The following MEF2C variants were observed in gnomAD, a reference collection of about 807,000 sequenced individuals.
MEF2C encodes the protein myocyte enhancer factor 2C.
Under a neutral mutation model 50.5 loss-of-function variants are expected in MEF2C, and 6 were observed. The ratio of observed to expected loss-of-function variants is 0.12; its 90% CI spans 0.07 to 0.23. MEF2C has a LOEUF of 0.23. Ranked by LOEUF, MEF2C falls within the 10% of genes least tolerant of loss-of-function variation. The pLI is 1.00. For missense variants in MEF2C, 276 were observed against 605.0 expected (o/e 0.46, Z 5.70); for synonymous variants, 183 against 228.0 (o/e 0.80, Z 1.78).
At chr5:88,817,113 AT>A (rs1320249117) in intron 2 of MEF2C, among the ~76,000 whole-genome samples, 3 of 152,074 alleles carry the variant, frequency 2.0e-5, no homozygotes, top group African/African-American at 2.4e-5. Flanking sequence ...CCGAAAAATT[AT>A]TTTTTTGAAG....
intron 1 of MEF2C, among the ~76,000 whole-genome samples, chr5:88,899,619 A>G (rs1054348482): frequency 7.9e-5 from 12 of 152,136 alleles, no homozygotes; most frequent in Admixed American, 1.3e-4. Flanking sequence ...GGAAGCCTCT[A>G]TGATCCTTCA....
chr5:88,738,411 A>AATT (rs1279964774), intron 6 of MEF2C: 2 of 971,750 alleles, frequency 2.1e-6, no homozygotes, highest in African/African-American at 3.5e-5. Context: ...CATGGATATA[A>AATT]AGCACTTTTA....
At position 88,718,434 on chromosome 5, in the gene MEF2C, A is replaced by G. The variant is rs1357003670; in HGVS notation, c.*4170T>C. 1 of 152,218 alleles carries G rather than the reference A, an allele frequency of 6.6e-6. No individual in the cohort carries two copies. Among genetic ancestry groups the G allele is most frequent in the Non-Finnish European group, 1.5e-5 (1 of 68,048 alleles). The allele number at this position is 152,218 out of a possible 1,614,324, so 9.4% of individuals were successfully genotyped here. A position where few individuals can be genotyped will look rare whatever the true frequency, so the allele number is the denominator to read the frequency against. ...ATCTAGTGGCGACAAAGTCCAGCTT[A>G]TGCCGCTGTGAGCCTCTATTTGAAT... is the stretch of plus-strand genomic sequence containing the variant. On this transcript the variant is annotated 3_prime_UTR_variant, in exon 11 of 11. Transcript: ENST00000504921.
intron 2 of MEF2C, among the ~76,000 whole-genome samples, chr5:88,808,344 T>C (rs1020223428): frequency 5.9e-5 from 9 of 152,144 alleles, no homozygotes; most frequent in Non-Finnish European, 1.3e-4. Context: ...ATGTGGAATG[T>C]CTCAATACAG....
At chr5:88,797,753 A>G (rs1580866815) in intron 3 of MEF2C, among the ~76,000 whole-genome samples, 1 of 152,050 alleles carries the variant, frequency 6.6e-6, no homozygotes, top group African/African-American at 2.4e-5. Context: ...TGGTCTTTAC[A>G]ATTTGATATG....
At chr5:88,772,189 C>A (rs1231425792) in intron 3 of MEF2C, 1 of 152,258 alleles carries the variant, frequency 6.6e-6, no homozygotes, top group Non-Finnish European at 1.5e-5. Flanking sequence ...ATACACAGAA[C>A]TTTCCATAAG....
At chr5:88,810,180 T>G (rs1479214934) in intron 2 of MEF2C, among the ~76,000 whole-genome samples, 1 of 152,134 alleles carries the variant, frequency 6.6e-6, no homozygotes, top group Non-Finnish European at 1.5e-5. Flanking sequence ...TTACTTGCCT[T>G]TTAAATAATT....
intron 1 of MEF2C, among the ~76,000 whole-genome samples, chr5:88,864,413 G>A: frequency 6.6e-6 from 1 of 151,780 alleles, no homozygotes; most frequent in East Asian, 1.9e-4. Context: ...AGGCAGCTCG[G>A]AGAAACTGCA....
intron 3 of MEF2C, among the ~76,000 whole-genome samples, chr5:88,774,135 C>G (rs1561947646): frequency 6.6e-6 from 1 of 152,178 alleles, no homozygotes; most frequent in Non-Finnish European, 1.5e-5. Flanking sequence ...GGGGAAAAGG[C>G]TCCTTGCAGG....
rs1332833467 is a variant in MEF2C at position 88,721,296 on chromosome 5, C to A, written c.*1308G>T. ...ATGGTGAGATCAGAAAGGGGCCCTG[C>A]ATTTGATAAAAATGCAAAAAACAAA... is the stretch of plus-strand genomic sequence containing the variant. On this transcript the variant is annotated 3_prime_UTR_variant, in exon 11 of 11. Coordinates refer to ENST00000504921, the MANE Select transcript of MEF2C (RefSeq NM_002397.5). 6.6e-6 allele frequency: 1 copy of A among 152,476 alleles called. No individual in the cohort carries two copies. Among genetic ancestry groups the A allele is most frequent in the African/African-American group, 2.4e-5 (1 of 41,390 alleles). The allele number at this position is 152,476 out of a possible 1,614,324, so 9.4% of individuals were successfully genotyped here.
intron 6 of MEF2C, chr5:88,733,309 G>A (rs752652480): frequency 6.4e-5 from 63 of 985,218 alleles, no homozygotes; most frequent in Middle Eastern, 1.0e-3. Context: ...AAGGGGACCC[G>A]TGAAAAGAGA....
At chr5:88,799,024 C>CA (rs1797171184) in intron 3 of MEF2C, among the ~76,000 whole-genome samples, 1 of 152,210 alleles carries the variant, frequency 6.6e-6, no homozygotes, top group Admixed American at 6.5e-5. Context: ...AGCTTCGTCC[C>CA]AGAGTGGCAC....
chr5:88,868,571 T>TA (rs1828149235), intron 1 of MEF2C, among the ~76,000 whole-genome samples: 1 of 152,134 alleles, frequency 6.6e-6, no homozygotes, highest in South Asian at 2.1e-4. Flanking sequence ...CTGGCATAGT[T>TA]AGTTAGTGAG....
At chr5:88,831,846 T>C (rs1489909674) in intron 1 of MEF2C, among the ~76,000 whole-genome samples, 3 of 152,186 alleles carry the variant, frequency 2.0e-5, no homozygotes, top group African/African-American at 4.8e-5. Flanking sequence ...TGATGACAAT[T>C]TGTTTAACTC....
chr5:88,844,213 G>A (rs55950420), intron 1 of MEF2C, among the ~76,000 whole-genome samples: 3,804 of 152,158 alleles, frequency 0.025, 162 homozygotes, highest in African/African-American at 0.087. Flanking sequence ...AGGCAAATTC[G>A]TAATCTCATG....
intron 6 of MEF2C, chr5:88,737,459 A>C (rs1441981384): frequency 1.0e-6 from 1 of 985,316 alleles, no homozygotes; most frequent in Non-Finnish European, 1.2e-6. Context: ...CCCTAATGAA[A>C]ATGAAAAGTT....
intron 3 of MEF2C, among the ~76,000 whole-genome samples, chr5:88,794,933 G>A (rs1314971017): frequency 6.6e-6 from 1 of 152,126 alleles, no homozygotes; most frequent in Non-Finnish European, 1.5e-5. Context: ...TGTCAGGTTT[G>A]TCAAAGATAA....
chr5:88,804,307 C>G (rs924663865), intron 3 of MEF2C, among the ~76,000 whole-genome samples: 5 of 152,216 alleles, frequency 3.3e-5, no homozygotes, highest in African/African-American at 1.2e-4. Context: ...TCCTGATACA[C>G]AGCTGTGGAC....
intron 2 of MEF2C, among the ~76,000 whole-genome samples, chr5:88,811,663 A>G (rs1802873645): frequency 6.6e-6 from 1 of 152,142 alleles, no homozygotes; most frequent in South Asian, 2.1e-4. Context: ...TTCAAGAAAT[A>G]AAATAACTTT....
Sources: gnomAD v4.1 joint callset for allele counts (sites outside exome capture counted in the v4.1 genomes callset) on GRCh38, gnomAD v4.1.1 for gene constraint, MANE v1.5 for transcripts, NCBI Gene and HGNC (gene_info 2026-07-23, HGNC 2026-07-21) for gene names.